Variants in CBFA2T2 observed in about 807,000 individuals in gnomAD.
CBFA2T2 encodes CBFA2/RUNX1 partner transcriptional co-repressor 2, also known as protein CBFA2T2.
In CBFA2T2, 11 loss-of-function variants were observed where a neutral mutation model predicts 62.2. The ratio of observed to expected loss-of-function variants is 0.18; its 90% CI spans 0.11 to 0.29. The LOEUF is 0.29. Among genes scored for constraint, CBFA2T2 ranks in the 10% least tolerant of loss-of-function variants. CBFA2T2 has a pLI of 1.00. For missense variants in CBFA2T2, 592 were observed against 774.1 expected (o/e 0.76, Z 2.79); for synonymous variants, 295 against 287.5 (o/e 1.03, Z -0.27).
rs1336913392 is a variant in CBFA2T2 at position 33,636,721 on chromosome 20, C to T, written c.1297+13C>T. On this transcript the variant is annotated intron_variant, in intron 9 of 10. Transcript: ENST00000342704. ...TGGAAAAAAACAGGTATGTGTCTGA[C>T]TGCTTGTAGGTCATACATACTCACT... is the stretch of plus-strand genomic sequence containing the variant. 6.3e-7 allele frequency: 1 copy of T among 1,599,350 alleles called. No homozygotes were observed. The highest frequency in any genetic ancestry group is 1.7e-5 in the Admixed American group (1 of 59,866).
At chr20:33,503,792 A>G (rs1046995673) in intron 1 of CBFA2T2, among the ~76,000 whole-genome samples, 4 of 151,712 alleles carry the variant, frequency 2.6e-5, no homozygotes, top group Non-Finnish European at 4.4e-5. Context: ...AAGTACTGGG[A>G]TTCAGGCATA....
At chr20:33,638,426 TCCAGTAAGATAGCTAG>T (rs2122382964) in intron 9 of CBFA2T2, among the ~76,000 whole-genome samples, 1 of 152,314 alleles carries the variant, frequency 6.6e-6, no homozygotes, top group Non-Finnish European at 1.5e-5. Flanking sequence ...TTAGACGACC[TCCAGTAAGATAGCTAG>T]CCAAACCGAG....
intron 1 of CBFA2T2, among the ~76,000 whole-genome samples, chr20:33,535,927 C>G (rs1411141361): frequency 6.6e-6 from 1 of 152,162 alleles, no homozygotes; most frequent in Non-Finnish European, 1.5e-5. Context: ...TTGCACCGCC[C>G]TTAATCCATT....
intron 1 of CBFA2T2, among the ~76,000 whole-genome samples, chr20:33,593,799 G>C (rs1236769831): frequency 6.6e-6 from 1 of 151,982 alleles, no homozygotes; most frequent in Non-Finnish European, 1.5e-5. Context: ...GAGTAAAAAG[G>C]ATAAATGACC....
rs1412892919 is a variant in CBFA2T2, at chr20:33,490,298, C to T, written c.31C>T (p.Gln11Ter). 3.1e-6 allele frequency: 4 copies of T among 1,278,564 alleles called. No homozygotes were observed. Among genetic ancestry groups the T allele is most frequent in the Non-Finnish European group, 3.9e-6 (4 of 1,013,706 alleles). 79.2% of individuals were successfully genotyped at this position (1,278,564 alleles called of 1,614,324 possible). A position where few individuals can be genotyped will look rare whatever the true frequency, so the allele number is the denominator to read the frequency against. The change falls in exon 1 of 11, where the codon CAG becomes TAG. Residue 11 changes from glutamine to a stop codon, truncating the protein, a stop_gained. Coordinates refer to ENST00000342704, the MANE Select transcript of CBFA2T2 (RefSeq NM_001032999.3). LOFTEE classifies it high-confidence loss of function. MVGVPGAAAF[Q>*]LGPEKRVPAM... ...AGGCGTCCCTGGAGCGGCCGCCTTC[C>T]AGCGTAAGTGGGGCGTGAATGCGGG... is the stretch of plus-strand genomic sequence containing the variant.
At chr20:33,496,498 T>A (rs879849214) in intron 1 of CBFA2T2, among the ~76,000 whole-genome samples, 3 of 152,208 alleles carry the variant, frequency 2.0e-5, no homozygotes, top group Non-Finnish European at 4.4e-5. Context: ...TTATTTTGCC[T>A]AGCAAGGTAA....
At chr20:33,535,141 TC>T (rs2012171150) in intron 1 of CBFA2T2, among the ~76,000 whole-genome samples, 1 of 152,232 alleles carries the variant, frequency 6.6e-6, no homozygotes. Context: ...TAGAAAATAA[TC>T]CTGTAAAAGT....
At chr20:33,517,606 T>A (rs1419092349) in intron 1 of CBFA2T2, among the ~76,000 whole-genome samples, 1 of 151,990 alleles carries the variant, frequency 6.6e-6, no homozygotes, top group Non-Finnish European at 1.5e-5. Context: ...AATGTCACCA[T>A]GCACAGCTTT....
In CBFA2T2 at chr20:33,636,850, C is replaced by T. The variant is rs1417201285; in HGVS notation, c.1297+142C>T. 6 of 606,686 alleles carry T rather than the reference C, an allele frequency of 9.9e-6. No individual in the cohort carries two copies. In the East Asian group the frequency reaches 1.5e-4, roughly 15 times the overall value. The allele number at this position is 606,686 out of a possible 1,614,324, so 37.6% of individuals were successfully genotyped here. On this transcript the variant is annotated intron_variant, in intron 9 of 10. Coordinates refer to ENST00000342704, the MANE Select transcript of CBFA2T2 (RefSeq NM_001032999.3). ...CATAGAGCTCTAGGCTCCTGCCTCT[C>T]CTGCTCTGGCTTGTCCTGCATGTCT...
rs146572668 is a variant in CBFA2T2, at chr20:33,629,863, G to A, written c.1177G>A (p.Glu393Lys). 268 of 1,613,936 alleles carry A rather than the reference G, an allele frequency of 1.7e-4. No homozygotes were observed. The highest frequency in any genetic ancestry group is 2.1e-4 in the Non-Finnish European group (250 of 1,180,012). The change falls in exon 8 of 11, where the codon GAG (glutamate) becomes AAG (lysine). Residue 393 changes from glutamate to lysine, a missense_variant. Transcript: ENST00000342704. Reference sequence around the variant, plus strand: ...CACAGAGCTGAGGAAAACGGGGACCGAGTTGGTCTCCAGGCAGCACAGCCC... The same window carrying A: ...CACAGAGCTGAGGAAAACGGGGACCAAGTTGGTCTCCAGGCAGCACAGCCC... ...ENTELRKTGTELVSRQHSPGS... is the reference protein window; with the variant it reads ...ENTELRKTGTKLVSRQHSPGS...
At chr20:33,494,269 ATATATT>A (rs2011175056) in intron 1 of CBFA2T2, among the ~76,000 whole-genome samples, 1 of 30,754 alleles carries the variant, frequency 3.3e-5, no homozygotes, top group Non-Finnish European at 5.8e-5. Flanking sequence ...ATATATATAT[ATATATT>A]TTTTTTTTTT....
At chr20:33,501,495 T>C (rs768957059) in intron 1 of CBFA2T2, among the ~76,000 whole-genome samples, 26 of 152,218 alleles carry the variant, frequency 1.7e-4, no homozygotes, top group African/African-American at 6.3e-4. Context: ...TGCAGAATGG[T>C]GAGGGAGAAG....
At chr20:33,617,146 G>A (rs1425766798) in intron 3 of CBFA2T2, among the ~76,000 whole-genome samples, 2 of 152,062 alleles carry the variant, frequency 1.3e-5, no homozygotes, top group East Asian at 1.9e-4. Context: ...CAAGGTGGGC[G>A]GATCACGAGG....
At chr20:33,561,505 A>T (rs992362400) in intron 1 of CBFA2T2, among the ~76,000 whole-genome samples, 1 of 152,212 alleles carries the variant, frequency 6.6e-6, no homozygotes, top group Admixed American at 6.5e-5. Context: ...TTGTGTAACT[A>T]TAGTATGGTA....
chr20:33,632,332 C>T (rs1568867106), intron 8 of CBFA2T2, among the ~76,000 whole-genome samples: 1 of 152,174 alleles, frequency 6.6e-6, no homozygotes, highest in Admixed American at 6.5e-5. Flanking sequence ...ACATAAGCCA[C>T]CATGCCCAGC....
chr20:33,505,527 T>G (rs2011387375), intron 1 of CBFA2T2, among the ~76,000 whole-genome samples: 1 of 152,190 alleles, frequency 6.6e-6, no homozygotes, highest in Admixed American at 6.5e-5. Context: ...CTCACGCCTG[T>G]AATCCCAGCA....
At chr20:33,495,543 T>A (rs1390866318) in intron 1 of CBFA2T2, among the ~76,000 whole-genome samples, 1 of 151,172 alleles carries the variant, frequency 6.6e-6, no homozygotes, top group Non-Finnish European at 1.5e-5. Flanking sequence ...ACAAAAAAAA[T>A]CAGCTGGGCG....
intron 10 of CBFA2T2, 122 bp downstream of exon 10, chr20:33,640,653 T>A: frequency 1.2e-6 from 1 of 806,038 alleles, no homozygotes; most frequent in Non-Finnish European, 2.0e-6. Flanking sequence ...TGAGGATAAT[T>A]TTTATCCAGT....
At position 33,646,062 on chromosome 20, in the gene CBFA2T2, G is replaced by A. The variant is rs1350417396; in HGVS notation, c.*1416G>A. 1 of 152,108 alleles carries A rather than the reference G, an allele frequency of 6.6e-6. No individual in the cohort carries two copies. The highest frequency in any genetic ancestry group is 1.9e-4 in the East Asian group (1 of 5,200). The allele number at this position is 152,108 out of a possible 1,614,324, so 9.4% of individuals were successfully genotyped here. A position where few individuals can be genotyped will look rare whatever the true frequency, so the allele number is the denominator to read the frequency against. ...TCTGTTGCCCAGGCTGGAGTGCAGTGGCATGATCTTGGCTCACTGCAACCT... is the reference window on the plus strand; with the variant it reads ...TCTGTTGCCCAGGCTGGAGTGCAGTAGCATGATCTTGGCTCACTGCAACCT... On this transcript the variant is annotated 3_prime_UTR_variant, in exon 11 of 11. Coordinates refer to ENST00000342704, the MANE Select transcript of CBFA2T2 (RefSeq NM_001032999.3).
Sources: gnomAD v4.1 joint callset for allele counts (sites outside exome capture counted in the v4.1 genomes callset) on GRCh38, gnomAD v4.1.1 for gene constraint, MANE v1.5 for transcripts, NCBI Gene and HGNC (gene_info 2026-07-23, HGNC 2026-07-21) for gene names.